MACROD2: variants seen among roughly 807,000 people sequenced by gnomAD.
MACROD2 encodes the protein mono-ADP ribosylhydrolase 2, also known as ADP-ribose glycohydrolase MACROD2.
MACROD2 carries 36 observed loss-of-function variants against 70.4 expected under a neutral mutation model. That is an observed-to-expected ratio of 0.51 (90% CI 0.39 to 0.68). The LOEUF (loss-of-function observed/expected upper bound fraction) is 0.68, where lower values mean the gene tolerates loss of function less well. Ranked by LOEUF, MACROD2 falls within the 30% of genes least tolerant of loss-of-function variation. The pLI is 0.00. For synonymous variants in MACROD2, 172 were observed against 178.8 expected (o/e 0.96, Z 0.30); for missense variants, 496 against 538.4 (o/e 0.92, Z 0.78).
intron 7 of MACROD2, among the ~76,000 whole-genome samples, chr20:15,471,079 T>C (rs540500576): frequency 6.6e-6 from 1 of 152,348 alleles, no homozygotes; most frequent in East Asian, 1.9e-4. Context: ...CTCTTTGTTT[T>C]TTGTCCTTTC....
In MACROD2 at chr20:14,395,896, G is replaced by A. The variant is rs867960199; in HGVS notation, c.272-97583G>A. ...TTCCAAATATTTGAGGATTTTCCAA[G>A]CATCTTTCTGTCATGGATTTTTTAT... On this transcript the variant is annotated intron_variant, in intron 3 of 17. Coordinates refer to ENST00000684519, the MANE Select transcript of MACROD2 (RefSeq NM_001351661.2). Among the ~76,000 whole-genome samples the A allele has an allele frequency of 3.1e-4, 47 of 152,200 alleles. No individual in the cohort carries two copies. The Middle Eastern group carries it at 0.01, about 33-fold the overall frequency.
intron 4 of MACROD2, among the ~76,000 whole-genome samples, chr20:14,626,229 T>C (rs1305961721): frequency 6.6e-6 from 1 of 152,168 alleles, no homozygotes; most frequent in Non-Finnish European, 1.5e-5. Flanking sequence ...CATTGGATGC[T>C]ATCACATATC....
At chr20:15,949,661 T>C (rs1295896474) in intron 12 of MACROD2, among the ~76,000 whole-genome samples, 2 of 152,204 alleles carry the variant, frequency 1.3e-5, no homozygotes, top group African/African-American at 4.8e-5. Flanking sequence ...GTGCCTTCCA[T>C]AGATTTTTCT....
intron 3 of MACROD2, among the ~76,000 whole-genome samples, chr20:14,227,355 G>C (rs1320036011): frequency 6.6e-6 from 1 of 152,068 alleles, no homozygotes; most frequent in African/African-American, 2.4e-5. Context: ...AATAAATCTT[G>C]GTACTGTTCT....
At chr20:15,691,211 T>C (rs867019083) in intron 8 of MACROD2, among the ~76,000 whole-genome samples, 5 of 152,204 alleles carry the variant, frequency 3.3e-5, no homozygotes, top group African/African-American at 9.6e-5. Flanking sequence ...TTCCCTGCTC[T>C]TCATTTGTTA....
intron 5 of MACROD2, among the ~76,000 whole-genome samples, chr20:15,030,163 T>C (rs1182900129): frequency 6.6e-6 from 1 of 151,594 alleles, no homozygotes; most frequent in Non-Finnish European, 1.5e-5. Flanking sequence ...ACTGACCACA[T>C]CTGCATCTCC....
intron 3 of MACROD2, among the ~76,000 whole-genome samples, chr20:14,249,818 T>C (rs1265420414): frequency 6.6e-6 from 1 of 151,848 alleles, no homozygotes; most frequent in Non-Finnish European, 1.5e-5. Flanking sequence ...CGACAGAAAA[T>C]ATAAGGTGGC....
chr20:15,244,707 T>C (rs1389165557), intron 6 of MACROD2, among the ~76,000 whole-genome samples: 1 of 152,250 alleles, frequency 6.6e-6, no homozygotes, highest in Non-Finnish European at 1.5e-5. Flanking sequence ...TGATTTTATT[T>C]TGATATTAAG....
intron 4 of MACROD2, among the ~76,000 whole-genome samples, chr20:14,636,717 A>C (rs1006673199): frequency 6.6e-6 from 1 of 152,232 alleles, no homozygotes; most frequent in Admixed American, 6.5e-5. Flanking sequence ...AAAATATTCT[A>C]TAATCTTCTC....
At chr20:15,176,952 C>G (rs926262161) in intron 5 of MACROD2, among the ~76,000 whole-genome samples, 2 of 152,192 alleles carry the variant, frequency 1.3e-5, no homozygotes, top group African/African-American at 4.8e-5. Context: ...GTACACACAG[C>G]AGAAGCTGTG....
intron 3 of MACROD2, among the ~76,000 whole-genome samples, chr20:14,275,933 A>G (rs892086299): frequency 2.6e-5 from 4 of 152,234 alleles, no homozygotes; most frequent in Non-Finnish European, 5.9e-5. Flanking sequence ...GTGAGATACC[A>G]TCTCACATCA....
chr20:15,081,407 C>T (rs984872682), intron 5 of MACROD2, among the ~76,000 whole-genome samples: 7 of 152,150 alleles, frequency 4.6e-5, no homozygotes, highest in Non-Finnish European at 8.8e-5. Flanking sequence ...CGTGGATTAA[C>T]ATTCCTTCAC....
intron 8 of MACROD2, among the ~76,000 whole-genome samples, chr20:15,653,763 A>G (rs569004187): frequency 4.6e-5 from 7 of 152,278 alleles, no homozygotes; most frequent in African/African-American, 1.4e-4. Context: ...ACAGGAACCC[A>G]CAAACAAGAC....
intron 5 of MACROD2, among the ~76,000 whole-genome samples, chr20:14,877,396 T>C (rs2073562664): frequency 6.6e-6 from 1 of 152,084 alleles, no homozygotes; most frequent in African/African-American, 2.4e-5. Flanking sequence ...CTTACATCAG[T>C]GAAGAGAGAC....
At chr20:15,074,784 A>C (rs966285646) in intron 5 of MACROD2, among the ~76,000 whole-genome samples, 1 of 152,158 alleles carries the variant, frequency 6.6e-6, no homozygotes, top group Non-Finnish European at 1.5e-5. Context: ...GTGTGATGTG[A>C]TGTGGTGGGT....
At chr20:15,186,886 A>G (rs2076538314) in intron 5 of MACROD2, among the ~76,000 whole-genome samples, 1 of 152,190 alleles carries the variant, frequency 6.6e-6, no homozygotes, top group Admixed American at 6.5e-5. Context: ...TTAAAACTTC[A>G]ACTAAATTTT....
At chr20:15,043,456 G>A (rs933832963) in intron 5 of MACROD2, among the ~76,000 whole-genome samples, 2 of 152,122 alleles carry the variant, frequency 1.3e-5, no homozygotes, top group African/African-American at 4.8e-5. Flanking sequence ...ACCCACTTGA[G>A]TTTTTTGCAT....
At chr20:15,532,934 C>G (rs1250641756) in intron 8 of MACROD2, among the ~76,000 whole-genome samples, 2 of 152,252 alleles carry the variant, frequency 1.3e-5, no homozygotes, top group Non-Finnish European at 2.9e-5. Context: ...ATGATTTCAG[C>G]TTCAAGTTCC....
chr20:15,933,610 G>A (rs764149238), intron 11 of MACROD2, among the ~76,000 whole-genome samples: 4 of 152,164 alleles, frequency 2.6e-5, no homozygotes, highest in Non-Finnish European at 4.4e-5. Context: ...ACGGGCGGAG[G>A]TTGAAAGTGC....
Sources: gnomAD v4.1 joint callset for allele counts (sites outside exome capture counted in the v4.1 genomes callset) on GRCh38, gnomAD v4.1.1 for gene constraint, MANE v1.5 for transcripts, NCBI Gene and HGNC (gene_info 2026-07-23, HGNC 2026-07-21) for gene names.